The following MDGA2 variants were observed in gnomAD, a reference collection of about 807,000 sequenced individuals.
MDGA2 encodes MAM domain-containing glycosylphosphatidylinositol anchor protein 2.
MDGA2 carries 40 observed loss-of-function variants against 117.8 expected under a neutral mutation model. That is an observed-to-expected ratio of 0.34 (90% CI 0.26 to 0.44). The LOEUF is 0.44. Ranked by LOEUF, MDGA2 falls within the 20% of genes least tolerant of loss-of-function variation. The probability of loss-of-function intolerance (pLI) is 1.00; values close to 1 mark genes in which losing one functional copy is unlikely to be tolerated. For synonymous variants in MDGA2, 452 were observed against 439.0 expected, an observed-to-expected ratio of 1.03 and a Z score of -0.37; for missense variants, 1,123 against 1,250.6, an observed-to-expected ratio of 0.90 and a Z score of 1.54.
At chr14:46,879,901 C>T (rs573559362) in intron 11 of MDGA2, among the ~76,000 whole-genome samples, 2 of 152,220 alleles carry the variant, frequency 1.3e-5, no homozygotes, top group South Asian at 4.1e-4. Flanking sequence ...TCATATTTCA[C>T]GTTTGACAGT....
intron 7 of MDGA2, among the ~76,000 whole-genome samples, chr14:47,052,650 G>A (rs1889499248): frequency 6.6e-6 from 1 of 151,732 alleles, no homozygotes; most frequent in South Asian, 2.1e-4. Flanking sequence ...TATAACTTAT[G>A]CTTCTCAAAA....
intron 13 of MDGA2, 36 bp downstream of exon 13, chr14:46,874,009 T>C: frequency 6.7e-7 from 1 of 1,489,670 alleles, no homozygotes; most frequent in Non-Finnish European, 8.9e-7. Context: ...TAAAAGTCTC[T>C]GATTGCTATG....
At chr14:47,437,809 A>G (rs1892927800) in intron 1 of MDGA2, among the ~76,000 whole-genome samples, 1 of 152,186 alleles carries the variant, frequency 6.6e-6, no homozygotes, top group South Asian at 2.1e-4. Flanking sequence ...ATATGCAAGC[A>G]TATCCACTGT....
At chr14:46,880,301 G>C (rs1348591827) in intron 11 of MDGA2, among the ~76,000 whole-genome samples, 2 of 151,694 alleles carry the variant, frequency 1.3e-5, no homozygotes, top group African/African-American at 4.8e-5. Flanking sequence ...CTCCAGCCTG[G>C]GAGACAGAGT....
At chr14:47,069,661 T>G (rs939362241) in intron 6 of MDGA2, among the ~76,000 whole-genome samples, 1 of 152,224 alleles carries the variant, frequency 6.6e-6, no homozygotes, top group Admixed American at 6.5e-5. Context: ...GAGTTTTCCC[T>G]TGATGTTCTC....
chr14:47,040,436 T>C (rs1732343011), intron 7 of MDGA2, among the ~76,000 whole-genome samples: 1 of 152,190 alleles, frequency 6.6e-6, no homozygotes, highest in African/African-American at 2.4e-5. Context: ...AAATGTTAAT[T>C]CAATCTATTT....
intron 3 of MDGA2, among the ~76,000 whole-genome samples, chr14:47,205,149 T>C (rs542375508): frequency 1.6e-4 from 25 of 151,542 alleles, no homozygotes; most frequent in Admixed American, 7.2e-4. Flanking sequence ...TGTATATATA[T>C]GTGCATATGT....
Position 47,218,168 on chromosome 14 carries a change from C to T in MDGA2, c.448G>A (p.Ala150Thr). Residue 150 changes from alanine (A) to threonine (T), a missense_variant, in exon 3 of 17, where the codon GCC (alanine) becomes ACC (threonine). Coordinates refer to ENST00000399232, the MANE Select transcript of MDGA2 (RefSeq NM_001113498.3). Reference sequence around the variant, plus strand: ...CTTGAGTCTTGGAATCTGTCAGAGGCACTTCCTGCTGTTTTGGTCCACCTG... The same window carrying T: ...CTTGAGTCTTGGAATCTGTCAGAGGTACTTCCTGCTGTTTTGGTCCACCTG... The part of the protein sequence containing the change: ...QIRWTKTAGS[A>T]SDRFQDSSVF... 1 of 1,549,454 alleles carries T rather than the reference C, an allele frequency of 6.5e-7. No individual in the cohort carries two copies. Among genetic ancestry groups the T allele is most frequent in the Non-Finnish European group, 8.7e-7 (1 of 1,145,802 alleles).
intron 2 of MDGA2, among the ~76,000 whole-genome samples, chr14:47,234,941 T>C (rs1467976279): frequency 6.6e-6 from 1 of 152,146 alleles, no homozygotes; most frequent in Non-Finnish European, 1.5e-5. Flanking sequence ...GAAATTAGTG[T>C]TCATATGTGT....
chr14:47,306,842 G>GA (rs1889463106), intron 1 of MDGA2, among the ~76,000 whole-genome samples: 8 of 146,700 alleles, frequency 5.5e-5, no homozygotes, highest in Admixed American at 2.7e-4. Flanking sequence ...AGAGAAAGAG[G>GA]GAGAGAGAGA....
At chr14:47,440,614 T>A (rs565470815) in intron 1 of MDGA2, among the ~76,000 whole-genome samples, 1 of 152,036 alleles carries the variant, frequency 6.6e-6, no homozygotes, top group African/African-American at 2.4e-5. Context: ...GTAGATACCA[T>A]AAAGTAATAA....
intron 2 of MDGA2, among the ~76,000 whole-genome samples, chr14:47,259,862 T>A (rs11849636): frequency 0.1 from 15,240 of 151,944 alleles, 865 homozygotes; most frequent in Middle Eastern, 0.16. Flanking sequence ...TGAAGAAATA[T>A]GGGGGAAGGG....
intron 1 of MDGA2, among the ~76,000 whole-genome samples, chr14:47,669,332 A>T (rs948146518): frequency 3.3e-5 from 5 of 152,328 alleles, no homozygotes; most frequent in Admixed American, 2.0e-4. Context: ...ACATCTATTC[A>T]CCGGAATTAT....
At chr14:46,886,782 T>C (rs185014203) in intron 10 of MDGA2, among the ~76,000 whole-genome samples, 2 of 152,214 alleles carry the variant, frequency 1.3e-5, no homozygotes, top group East Asian at 3.9e-4. Flanking sequence ...CTCTCTCATA[T>C]TGCTTCCCAC....
At chr14:46,915,830 T>G (rs1362740391) in intron 10 of MDGA2, among the ~76,000 whole-genome samples, 5 of 152,052 alleles carry the variant, frequency 3.3e-5, no homozygotes, top group Non-Finnish European at 7.4e-5. Flanking sequence ...TGCATCAGAA[T>G]TACTTGGGAC....
intron 1 of MDGA2, among the ~76,000 whole-genome samples, chr14:47,361,186 A>ACTCTCTCTCT (rs374880544): frequency 3.5e-5 from 5 of 142,328 alleles, no homozygotes; most frequent in Middle Eastern, 3.6e-3. Flanking sequence ...GTCATGTTGT[A>ACTCTCTCTCT]CTCTCTCTCT....
At chr14:46,971,412 G>A (rs1327415342) in intron 8 of MDGA2, among the ~76,000 whole-genome samples, 6 of 152,102 alleles carry the variant, frequency 3.9e-5, no homozygotes, top group African/African-American at 1.4e-4. Flanking sequence ...GCAGTAGCAT[G>A]GATGAAACTG....
At chr14:47,295,967 T>A (rs976998209) in intron 2 of MDGA2, among the ~76,000 whole-genome samples, 3 of 151,592 alleles carry the variant, frequency 2.0e-5, no homozygotes, top group Non-Finnish European at 3.0e-5. Context: ...GATAGATAGA[T>A]AGATAGATAG....
At chr14:47,283,201 A>C (rs147330815) in intron 2 of MDGA2, among the ~76,000 whole-genome samples, 129 of 152,258 alleles carry the variant, frequency 8.5e-4, no homozygotes, top group African/African-American at 3.0e-3. Flanking sequence ...AAAGAGAGGA[A>C]AACATATTGA....
Sources: gnomAD v4.1 joint callset for allele counts (sites outside exome capture counted in the v4.1 genomes callset) on GRCh38, gnomAD v4.1.1 for gene constraint, MANE v1.5 for transcripts, NCBI Gene and HGNC (gene_info 2026-07-23, HGNC 2026-07-21) for gene names.